Variants in EEFSEC observed in about 807,000 individuals in gnomAD.
EEFSEC encodes selenocysteine-specific elongation factor.
A neutral mutation model predicts 42.1 loss-of-function variants in EEFSEC; 43 were observed. The observed-to-expected ratio is 1.02, with a 90% CI of 0.80 to 1.32. The LOEUF (loss-of-function observed/expected upper bound fraction) is 1.32, where lower values mean the gene tolerates loss of function less well. Among genes scored for constraint, EEFSEC ranks in the 40% most tolerant of loss-of-function variants. The pLI is 0.00. For synonymous variants in EEFSEC, 354 were observed against 339.1 expected (o/e 1.04, Z -0.48); for missense variants, 745 against 803.6 (o/e 0.93, Z 0.88).
At chr3:128,248,383 T>C (rs150966889) in intron 2 of EEFSEC, among the ~76,000 whole-genome samples, 34 of 152,312 alleles carry the variant, frequency 2.2e-4, no homozygotes, top group African/African-American at 7.0e-4. Flanking sequence ...CCTGCAGCTC[T>C]CCCTCAGAAT....
intron 2 of EEFSEC, among the ~76,000 whole-genome samples, chr3:128,261,095 G>A (rs745420033): frequency 7.9e-5 from 12 of 152,152 alleles, no homozygotes; most frequent in Non-Finnish European, 1.3e-4. Flanking sequence ...ATTCTGGGTC[G>A]TACCATTGTC....
chr3:128,335,200 G>GA (rs993672576), intron 4 of EEFSEC, among the ~76,000 whole-genome samples: 1 of 152,186 alleles, frequency 6.6e-6, no homozygotes, highest in Non-Finnish European at 1.5e-5. Context: ...GATAGAAATG[G>GA]AAAAAAACAA....
At chr3:128,213,951 T>G (rs1406914201) in intron 1 of EEFSEC, among the ~76,000 whole-genome samples, 1 of 152,164 alleles carries the variant, frequency 6.6e-6, no homozygotes, top group Non-Finnish European at 1.5e-5. Flanking sequence ...GTGATGCTTC[T>G]AGATTAAAGG....
Position 128,380,495 on chromosome 3 carries a change from C to G in EEFSEC, c.1600+22122C>G, listed in dbSNP as rs1559949442. Reference sequence around the variant, plus strand: ...AAGTGAAATGTACAGCTCAAGCCCTCCACCATGCTCTCTTCGGCTGGTGGC... The same window carrying G: ...AAGTGAAATGTACAGCTCAAGCCCTGCACCATGCTCTCTTCGGCTGGTGGC... On this transcript the variant is annotated intron_variant, in intron 6 of 6. Transcript: ENST00000254730. 2.6e-5 allele frequency among the ~76,000 whole-genome samples: 4 copies of G among 152,310 alleles called. No homozygotes were observed. The South Asian group carries it at 8.3e-4, about 32-fold the overall frequency.
chr3:128,354,152 G>A (rs1428315757), intron 5 of EEFSEC, among the ~76,000 whole-genome samples: 2 of 152,126 alleles, frequency 1.3e-5, no homozygotes, highest in African/African-American at 2.4e-5. Flanking sequence ...GAGACCACAC[G>A]GGGTTCCTGA....
intron 1 of EEFSEC, among the ~76,000 whole-genome samples, chr3:128,214,504 G>C (rs2065789866): frequency 6.6e-6 from 1 of 152,102 alleles, no homozygotes; most frequent in African/African-American, 2.4e-5. Context: ...AAATCATTCA[G>C]TGACACATAC....
At position 128,188,103 on chromosome 3, in the gene EEFSEC, G is replaced by A. The variant is rs578036711; in HGVS notation, c.316+34280G>A. ...TTACCCTGGCATTGATGGGTTGGAGGGGAGAGAGGCCAGGAGACCATTTTG... is the reference window on the plus strand; with the variant it reads ...TTACCCTGGCATTGATGGGTTGGAGAGGAGAGAGGCCAGGAGACCATTTTG... On this transcript the variant is annotated intron_variant, in intron 1 of 6. Transcript: ENST00000254730. 3.9e-5 allele frequency among the ~76,000 whole-genome samples: 6 copies of A among 152,262 alleles called. No individual in the cohort carries two copies. In the South Asian group the frequency reaches 1.2e-3, roughly 32 times the overall value.
chr3:128,250,374 T>A (rs2066172799), intron 2 of EEFSEC, among the ~76,000 whole-genome samples: 1 of 150,100 alleles, frequency 6.7e-6, no homozygotes, highest in African/African-American at 2.4e-5. Flanking sequence ...TCTAAGAATT[T>A]TGTAGCTTTA....
chr3:128,219,846 C>T (rs1007008565), intron 1 of EEFSEC, among the ~76,000 whole-genome samples: 37 of 151,462 alleles, frequency 2.4e-4, no homozygotes, highest in African/African-American at 8.7e-4. Context: ...GTCCCTGGGA[C>T]CCAGTGCTAC....
chr3:128,326,061 G>C (rs1246810135), intron 4 of EEFSEC, among the ~76,000 whole-genome samples: 1 of 152,210 alleles, frequency 6.6e-6, no homozygotes, highest in Non-Finnish European at 1.5e-5. Context: ...GTGTGATCTT[G>C]TGTGGTGCTG....
chr3:128,350,441 G>GGCCA (rs1224558397), intron 5 of EEFSEC, among the ~76,000 whole-genome samples: 1 of 152,194 alleles, frequency 6.6e-6, no homozygotes, highest in Non-Finnish European at 1.5e-5. Flanking sequence ...GAGGGTTGAA[G>GGCCA]GCCACATTGG....
chr3:128,237,560 C>T (rs1465389920), intron 1 of EEFSEC, among the ~76,000 whole-genome samples: 1 of 152,152 alleles, frequency 6.6e-6, no homozygotes, highest in Non-Finnish European at 1.5e-5. Context: ...AGATCCTTAC[C>T]CAAGATTGTG....
At chr3:128,352,749 C>A (rs1352284366) in intron 5 of EEFSEC, among the ~76,000 whole-genome samples, 1 of 152,252 alleles carries the variant, frequency 6.6e-6, no homozygotes, top group African/African-American at 2.4e-5. Context: ...GCCAGACCAA[C>A]AACAACTGTT....
chr3:128,298,831 G>A (rs2066736797), intron 4 of EEFSEC, among the ~76,000 whole-genome samples: 1 of 152,190 alleles, frequency 6.6e-6, no homozygotes, highest in Non-Finnish European at 1.5e-5. Flanking sequence ...TTGTCTTCTG[G>A]TGCTTGGCTA....
chr3:128,229,352 G>A (rs2065937775), intron 1 of EEFSEC, among the ~76,000 whole-genome samples: 2 of 152,184 alleles, frequency 1.3e-5, no homozygotes, highest in South Asian at 4.1e-4. Flanking sequence ...GAGGGGCAAG[G>A]GCTGAGTGAG....
chr3:128,399,543 A>G (rs2068024272), intron 6 of EEFSEC, among the ~76,000 whole-genome samples: 1 of 152,172 alleles, frequency 6.6e-6, no homozygotes. Context: ...CTTTGTTTAC[A>G]TACGGGATCC....
rs140242952 is a variant in EEFSEC, at chr3:128,163,037, T to C, written c.316+9214T>C. Among the ~76,000 whole-genome samples, 22 of 152,338 alleles carry C rather than the reference T, an allele frequency of 1.4e-4. No individual in the cohort carries two copies. The East Asian group carries it at 3.9e-3, about 27-fold the overall frequency. On this transcript the variant is annotated intron_variant, in intron 1 of 6. Coordinates refer to ENST00000254730, the MANE Select transcript of EEFSEC (RefSeq NM_021937.5). The stretch of plus-strand genomic sequence containing the variant: ...AGGAAACAACCCATAAATTAAGCCC[T>C]AAGACATATTCCCCTTTCTGTCATT...
At chr3:128,159,798 C>T (rs1228932031) in intron 1 of EEFSEC, among the ~76,000 whole-genome samples, 1 of 152,236 alleles carries the variant, frequency 6.6e-6, no homozygotes, top group Non-Finnish European at 1.5e-5. Context: ...GCAGCCTCTC[C>T]TGCCCCACCT....
chr3:128,356,657 A>T (rs781529295), intron 5 of EEFSEC, among the ~76,000 whole-genome samples: 3 of 152,232 alleles, frequency 2.0e-5, no homozygotes, highest in Non-Finnish European at 4.4e-5. Flanking sequence ...CCAAAGATAG[A>T]AAAGGTGTAT....
Sources: gnomAD v4.1 joint callset for allele counts (sites outside exome capture counted in the v4.1 genomes callset) on GRCh38, gnomAD v4.1.1 for gene constraint, MANE v1.5 for transcripts, NCBI Gene and HGNC (gene_info 2026-07-23, HGNC 2026-07-21) for gene names.